Variants in KHDRBS2 observed in about 807,000 individuals in gnomAD.
The protein encoded by KHDRBS2 is KH domain-containing, RNA-binding, signal transduction-associated protein 2.
KHDRBS2 carries 26 observed loss-of-function variants against 44.3 expected under a neutral mutation model. The ratio of observed to expected loss-of-function variants is 0.59; its 90% CI spans 0.43 to 0.81. The LOEUF is 0.81. KHDRBS2 is among the 40% of genes least tolerant of loss of function. The probability of loss-of-function intolerance (pLI) is 0.00; values close to 1 mark genes in which losing one functional copy is unlikely to be tolerated. For missense variants in KHDRBS2, 476 were observed against 433.1 expected, an observed-to-expected ratio of 1.10 and a Z score of -0.88; for synonymous variants, 194 against 151.1, an observed-to-expected ratio of 1.28 and a Z score of -2.08.
intron 1 of KHDRBS2, among the ~76,000 whole-genome samples, chr6:62,186,636 T>C (rs1823484066): frequency 6.6e-6 from 1 of 151,928 alleles, no homozygotes. Flanking sequence ...ATGGTGATGA[T>C]AAGAATAGGG....
chr6:62,091,523 T>G (rs1176095486), intron 2 of KHDRBS2, among the ~76,000 whole-genome samples: 1 of 152,194 alleles, frequency 6.6e-6, no homozygotes, highest in Non-Finnish European at 1.5e-5. Context: ...CATTTTCCTT[T>G]AATAAACTGT....
intron 6 of KHDRBS2, among the ~76,000 whole-genome samples, chr6:61,807,902 T>C (rs1261390240): frequency 2.0e-5 from 3 of 152,086 alleles, no homozygotes; most frequent in East Asian, 1.9e-4. Context: ...GTGTGTTACA[T>C]ACGGAGATTG....
chr6:61,609,667 A>G, the KHDRBS2 span, among the ~76,000 whole-genome samples: 1,814 of 152,310 alleles, frequency 0.012, 36 homozygotes, highest in African/African-American at 0.042. Flanking sequence ...GGTCAATGGA[A>G]CTAGAAAAGG....
chr6:61,612,914 G>A, the KHDRBS2 span, among the ~76,000 whole-genome samples: 3 of 134,580 alleles, frequency 2.2e-5, no homozygotes, highest in Non-Finnish European at 3.0e-5. Context: ...GTGCAGTGGC[G>A]CGATCTCGGC....
At chr6:61,670,735 T>C in the KHDRBS2 span, among the ~76,000 whole-genome samples, 1 of 151,510 alleles carries the variant, frequency 6.6e-6, no homozygotes, top group Non-Finnish European at 1.5e-5. Flanking sequence ...ATCTAGTTCA[T>C]CCTCTTATAC....
chr6:61,924,136 C>T (rs1808542212), intron 4 of KHDRBS2, among the ~76,000 whole-genome samples: 2 of 151,850 alleles, frequency 1.3e-5, no homozygotes, highest in Admixed American at 1.3e-4. Context: ...CTGAGAAAAC[C>T]TTGCTGAGAA....
intron 1 of KHDRBS2, among the ~76,000 whole-genome samples, chr6:62,198,391 TGATAAAGAG>T (rs1362094448): frequency 3.9e-5 from 6 of 152,026 alleles, no homozygotes; most frequent in Non-Finnish European, 8.8e-5. Flanking sequence ...CAATAAAAAA[TGATAAAGAG>T]GATATCACCA....
chr6:62,025,407 A>G (rs1322335180), intron 3 of KHDRBS2, among the ~76,000 whole-genome samples: 3 of 151,790 alleles, frequency 2.0e-5, no homozygotes, highest in African/African-American at 2.4e-5. Context: ...TCTGAAAGAA[A>G]TATCTTATTT....
At chr6:62,069,001 T>C (rs527623393) in intron 2 of KHDRBS2, among the ~76,000 whole-genome samples, 93 of 151,780 alleles carry the variant, frequency 6.1e-4, no homozygotes, top group African/African-American at 2.2e-3. Context: ...AATTTCATGA[T>C]TGGCTTGTAA....
chr6:61,559,264 G>A, the KHDRBS2 span, among the ~76,000 whole-genome samples: 1 of 151,756 alleles, frequency 6.6e-6, no homozygotes, highest in Non-Finnish European at 1.5e-5. Flanking sequence ...CCATGTCATG[G>A]AATATTTTTT....
the KHDRBS2 span, among the ~76,000 whole-genome samples, chr6:61,626,204 C>A: frequency 6.6e-6 from 1 of 152,086 alleles, no homozygotes; most frequent in Admixed American, 6.5e-5. Context: ...GCCTAAATAG[C>A]AATATATATT....
At chr6:61,825,368 C>A (rs927340954) in intron 6 of KHDRBS2, among the ~76,000 whole-genome samples, 1 of 152,162 alleles carries the variant, frequency 6.6e-6, no homozygotes, top group Non-Finnish European at 1.5e-5. Flanking sequence ...AATTTGCTCA[C>A]ATAAATAGCT....
At chr6:62,060,877 G>C (rs1791662253) in intron 2 of KHDRBS2, among the ~76,000 whole-genome samples, 1 of 151,742 alleles carries the variant, frequency 6.6e-6, no homozygotes, top group South Asian at 2.1e-4. Flanking sequence ...ATCAATATAT[G>C]CCCCAGATGT....
intron 1 of KHDRBS2, among the ~76,000 whole-genome samples, chr6:62,221,498 G>A (rs1322861176): frequency 6.6e-6 from 1 of 151,896 alleles, no homozygotes; most frequent in East Asian, 1.9e-4. Context: ...GTGAGATGCT[G>A]GATATGTTCA....
chr6:62,076,109 C>T (rs1164865614), intron 2 of KHDRBS2, among the ~76,000 whole-genome samples: 1 of 151,866 alleles, frequency 6.6e-6, no homozygotes, highest in Non-Finnish European at 1.5e-5. Context: ...ACTTATTTCT[C>T]CCCAACCCCA....
At chr6:62,185,774 T>C (rs1258514891) in intron 1 of KHDRBS2, among the ~76,000 whole-genome samples, 1 of 152,018 alleles carries the variant, frequency 6.6e-6, no homozygotes, top group African/African-American at 2.4e-5. Context: ...CATTTCCTGT[T>C]TGCTTATCCA....
intron 1 of KHDRBS2, among the ~76,000 whole-genome samples, chr6:62,210,252 C>T (rs1364408682): frequency 2.7e-5 from 4 of 150,244 alleles, no homozygotes; most frequent in Non-Finnish European, 5.9e-5. Flanking sequence ...TTCTGATAAG[C>T]AGAAATAATA....
chr6:61,705,871 A>G (rs889274285), intron 7 of KHDRBS2, among the ~76,000 whole-genome samples: 1 of 151,792 alleles, frequency 6.6e-6, no homozygotes, highest in Non-Finnish European at 1.5e-5. Context: ...ACAATGCTAT[A>G]CACCTCCTAT....
chr6:62,112,403 TACTC>T (rs1319888544), intron 2 of KHDRBS2, among the ~76,000 whole-genome samples: 1 of 152,138 alleles, frequency 6.6e-6, no homozygotes, highest in African/African-American at 2.4e-5. Context: ...TCTATATCTC[TACTC>T]TAAGAATATT....
Sources: gnomAD v4.1 joint callset for allele counts (sites outside exome capture counted in the v4.1 genomes callset) on GRCh38, gnomAD v4.1.1 for gene constraint, MANE v1.5 for transcripts, NCBI Gene and HGNC (gene_info 2026-07-23, HGNC 2026-07-21) for gene names.